The following PCED1B variants were observed in gnomAD, a reference collection of about 807,000 sequenced individuals.
PCED1B encodes PC-esterase domain containing 1B.
For missense variants in PCED1B, 573 were observed against 573.9 expected (o/e 1.00, Z 0.02); for synonymous variants, 251 against 246.1 (o/e 1.02, Z -0.19).
At position 47,099,922 on chromosome 12, in the gene PCED1B, G is replaced by A. The variant is rs116753908; in HGVS notation, c.-608-4191G>A. On this transcript the variant is annotated intron_variant, in intron 1 of 3. Transcript: ENST00000546455. ...CCAGTCATAAAGCTGACTTTCCAAT[G>A]AAGACACAAGGCAGAGAGCACATTT... 4.5e-3 allele frequency among the ~76,000 whole-genome samples: 688 copies of A among 152,292 alleles called. 3 individuals are homozygous for A. Among genetic ancestry groups the A allele is most frequent in the African/African-American group, 0.015 (607 of 41,570 alleles).
At chr12:47,198,343 A>C (rs973989837) in intron 2 of PCED1B, among the ~76,000 whole-genome samples, 1 of 152,194 alleles carries the variant, frequency 6.6e-6, no homozygotes, top group African/African-American at 2.4e-5. Flanking sequence ...AAAATCCAGC[A>C]CTCATTCATA....
At chr12:47,123,352 C>T (rs891429068) in intron 2 of PCED1B, among the ~76,000 whole-genome samples, 3 of 152,124 alleles carry the variant, frequency 2.0e-5, no homozygotes, top group Admixed American at 6.6e-5. Flanking sequence ...GTGAACATAG[C>T]CTCATATAAC....
At chr12:47,091,551 C>A (rs1457886614) in intron 1 of PCED1B, among the ~76,000 whole-genome samples, 1 of 152,074 alleles carries the variant, frequency 6.6e-6, no homozygotes, top group Non-Finnish European at 1.5e-5. Context: ...TCAATGTAGC[C>A]AAGTTTATCA....
At chr12:47,212,870 A>G (rs1230264150) in intron 2 of PCED1B, among the ~76,000 whole-genome samples, 1 of 152,214 alleles carries the variant, frequency 6.6e-6, no homozygotes, top group African/African-American at 2.4e-5. Flanking sequence ...CAGCTTGTGG[A>G]TTATTAATTT....
chr12:47,080,144 G>A (rs771504631), intron 1 of PCED1B, among the ~76,000 whole-genome samples: 11 of 152,126 alleles, frequency 7.2e-5, no homozygotes, highest in Non-Finnish European at 1.5e-4. Flanking sequence ...GAGGGGGCAG[G>A]GGTCCACACC....
intron 2 of PCED1B, among the ~76,000 whole-genome samples, chr12:47,141,140 C>T (rs1193449812): frequency 2.6e-5 from 4 of 152,108 alleles, no homozygotes; most frequent in Admixed American, 6.5e-5. Context: ...TTGAGAAGTC[C>T]GCTTAATTTG....
intron 2 of PCED1B, among the ~76,000 whole-genome samples, chr12:47,196,431 A>G (rs1299061332): frequency 2.0e-5 from 3 of 152,254 alleles, no homozygotes; most frequent in African/African-American, 7.2e-5. Flanking sequence ...ATAAATCACT[A>G]TATGTTGCCT....
chr12:47,179,688 T>C (rs1942034896), intron 2 of PCED1B, among the ~76,000 whole-genome samples: 1 of 152,180 alleles, frequency 6.6e-6, no homozygotes, highest in Admixed American at 6.5e-5. Context: ...GTACCAAACA[T>C]AGTATTTTCA....
rs142547791 is a variant in PCED1B at position 47,163,183 on chromosome 12, A to T, written c.-525-53039A>T. ...TAAGTATTTAATTCTTTTTGATGCT[A>T]TGAAATTGTTTTTAGAATTTTCTTT... On this transcript the variant is annotated intron_variant, in intron 2 of 3. Coordinates refer to ENST00000546455, the MANE Select transcript of PCED1B (RefSeq NM_138371.3). Among the ~76,000 whole-genome samples the T allele has an allele frequency of 4.1e-3, 622 of 152,280 alleles. 7 individuals are homozygous for T. The highest frequency in any genetic ancestry group is 0.014 in the African/African-American group (587 of 41,560).
chr12:47,235,232 G>A lies in PCED1B; in HGVS notation c.169G>A (p.Glu57Lys), dbSNP rs768597323. 14 of 1,611,852 alleles carry A rather than the reference G, an allele frequency of 8.7e-6. No individual in the cohort carries two copies. The highest frequency in any genetic ancestry group is 1.2e-5 in the Non-Finnish European group (14 of 1,178,700). The part of the protein sequence containing the change: ...QLRARGELNF[E>K]QDELVDGGQR... ...TAGAGCAAGGGGGGAGCTGAACTTC[G>A]AACAAGATGAGCTGGTGGACGGAGG... Residue 57 changes from glutamate (E) to lysine (K), a missense_variant, in exon 4 of 4, where the codon GAA becomes AAA. Physicochemically the swap from Glu to Lys is moderately conservative, Grantham distance 56. Transcript: ENST00000546455.
intron 2 of PCED1B, among the ~76,000 whole-genome samples, chr12:47,127,566 G>A (rs184216523): frequency 5.3e-5 from 8 of 151,678 alleles, no homozygotes; most frequent in Non-Finnish European, 7.4e-5. Flanking sequence ...GGGTCTCACC[G>A]TGTTAGCCAG....
At chr12:47,215,730 C>T (rs897158916) in intron 2 of PCED1B, among the ~76,000 whole-genome samples, 1 of 152,050 alleles carries the variant, frequency 6.6e-6, no homozygotes, top group East Asian at 1.9e-4. Flanking sequence ...TCCATCAAGA[C>T]GTCAGTGGAG....
At chr12:47,228,859 G>T (rs1299190058) in intron 3 of PCED1B, among the ~76,000 whole-genome samples, 1 of 151,162 alleles carries the variant, frequency 6.6e-6, no homozygotes, top group Non-Finnish European at 1.5e-5. Flanking sequence ...GGCAACCAGA[G>T]TGAAACTCCG....
At chr12:47,140,023 A>G (rs1451691996) in intron 2 of PCED1B, among the ~76,000 whole-genome samples, 1 of 152,140 alleles carries the variant, frequency 6.6e-6, no homozygotes, top group East Asian at 1.9e-4. Flanking sequence ...ATTAAAACTC[A>G]TCCTGCCAGG....
At chr12:47,223,324 G>A (rs1185671277) in intron 3 of PCED1B, among the ~76,000 whole-genome samples, 2 of 152,084 alleles carry the variant, frequency 1.3e-5, no homozygotes, top group Non-Finnish European at 2.9e-5. Context: ...GGAAATCATC[G>A]GTGATTTACT....
chr12:47,184,166 C>A (rs1942182638), intron 2 of PCED1B, among the ~76,000 whole-genome samples: 1 of 152,152 alleles, frequency 6.6e-6, no homozygotes, highest in Non-Finnish European at 1.5e-5. Flanking sequence ...CGCACCAGGC[C>A]AAGAATATTT....
At chr12:47,172,959 A>G (rs1880600) in intron 2 of PCED1B, among the ~76,000 whole-genome samples, 89,147 of 152,054 alleles carry the variant, frequency 0.59, 26,930 homozygotes, top group South Asian at 0.71. Context: ...TGTGAGGGCC[A>G]TTTTTTGAGA....
chr12:47,233,570 TGTA>T (rs1462967613), intron 3 of PCED1B, among the ~76,000 whole-genome samples: 1 of 152,158 alleles, frequency 6.6e-6, no homozygotes, highest in African/African-American at 2.4e-5. Context: ...TAAGGGCTAT[TGTA>T]GTAAGGTCTA....
At chr12:47,103,710 T>A (rs1045015199) in intron 1 of PCED1B, among the ~76,000 whole-genome samples, 1 of 152,130 alleles carries the variant, frequency 6.6e-6, no homozygotes, top group African/African-American at 2.4e-5. Flanking sequence ...TCCTGCCCCA[T>A]GCCCACAGAC....
Sources: allele counts gnomAD v4.1 joint callset (sites outside exome capture counted in the v4.1 genomes callset), GRCh38; gene constraint gnomAD v4.1.1; transcripts MANE v1.5; gene names NCBI Gene and HGNC (gene_info 2026-07-23, HGNC 2026-07-21).